Variants in DLG5 observed in about 807,000 individuals in gnomAD.
DLG5 encodes discs large MAGUK scaffold protein 5.
A neutral mutation model predicts 189.8 loss-of-function variants in DLG5; 48 were observed. The observed-to-expected ratio is 0.25, with a 90% CI of 0.20 to 0.32. The LOEUF is 0.32. DLG5 is among the 10% of genes least tolerant of loss of function. The pLI is 1.00. For missense variants in DLG5, 2,160 were observed against 2,544.7 expected (o/e 0.85, Z 3.25); for synonymous variants, 1,016 against 1,054.1 (o/e 0.96, Z 0.70).
chr10:77,828,085 T>TA (rs11437784), intron 13 of DLG5, among the ~76,000 whole-genome samples: 38,669 of 150,824 alleles, frequency 0.26, 5,406 homozygotes, highest in Admixed American at 0.39. Flanking sequence ...TACATTTAGT[T>TA]AAAAAAAAAG....
chr10:77,843,990 G>A (rs918255473), intron 5 of DLG5, among the ~76,000 whole-genome samples: 10 of 152,310 alleles, frequency 6.6e-5, no homozygotes, highest in South Asian at 6.2e-4. Context: ...AGGCCTGCTT[G>A]CAAGGTTGAC....
intron 27 of DLG5, among the ~76,000 whole-genome samples, chr10:77,797,838 GGAGT>G (rs1289662096): frequency 2.0e-5 from 3 of 152,158 alleles, no homozygotes; most frequent in Non-Finnish European, 4.4e-5. Context: ...GCAAACTCAG[GGAGT>G]AAGTAAAGTC....
chr10:77,896,588 C>T (rs1845765969), intron 1 of DLG5, among the ~76,000 whole-genome samples: 1 of 152,086 alleles, frequency 6.6e-6, no homozygotes, highest in South Asian at 2.1e-4. Flanking sequence ...CTCCTGTAAT[C>T]CCAGCACTTT....
In DLG5 at chr10:77,902,155, C is replaced by G. The variant is rs116114380; in HGVS notation, c.304+24062G>C. Among the ~76,000 whole-genome samples, 533 of 152,294 alleles carry G rather than the reference C, an allele frequency of 3.5e-3. 1 individual carries two copies. Among genetic ancestry groups the G allele is most frequent in the African/African-American group, 0.012 (495 of 41,562 alleles). ...CTTGGACACTGAGGAGATGCCGTGCCTATTTCCCAAACACCGAGTAAAAGG... is the reference window on the plus strand; with the variant it reads ...CTTGGACACTGAGGAGATGCCGTGCGTATTTCCCAAACACCGAGTAAAAGG... On this transcript the variant is annotated intron_variant, in intron 1 of 31. Transcript: ENST00000372391.
chr10:77,824,285 C>G lies in DLG5; in HGVS notation c.2382+99G>C, dbSNP rs544740368. On this transcript the variant is annotated intron_variant, in intron 14 of 31. Transcript: ENST00000372391. Reference sequence around the variant, plus strand: ...GCACTCAGTAAATGCCCACCCTGTTCTCAAGGATCCTGTGACCCCAAGGAG... The same window carrying G: ...GCACTCAGTAAATGCCCACCCTGTTGTCAAGGATCCTGTGACCCCAAGGAG... 14 of 896,184 alleles carry G rather than the reference C, an allele frequency of 1.6e-5. No individual in the cohort carries two copies. The South Asian group carries it at 2.1e-4, about 13-fold the overall frequency. 55.5% of individuals were successfully genotyped at this position (896,184 alleles called of 1,614,324 possible).
chr10:77,859,760 C>G (rs1844399340), intron 2 of DLG5, among the ~76,000 whole-genome samples: 1 of 152,236 alleles, frequency 6.6e-6, no homozygotes, highest in Non-Finnish European at 1.5e-5. Context: ...TAAAAGCCAC[C>G]AGCATCATGA....
At chr10:77,806,731 C>G in intron 26 of DLG5, 27 bp downstream of exon 26, 1 of 1,572,188 alleles carries the variant, frequency 6.4e-7, no homozygotes, top group Non-Finnish European at 8.7e-7. Flanking sequence ...CCTGCCCCAC[C>G]CCACCCCAGG....
intron 7 of DLG5, 29 bp downstream of exon 7, chr10:77,841,852 G>A: frequency 6.3e-7 from 1 of 1,591,212 alleles, no homozygotes; most frequent in Non-Finnish European, 8.6e-7. Flanking sequence ...AGGAGAGGCT[G>A]AAAGCCAGCC....
At chr10:77,888,369 G>A (rs1246196394) in intron 1 of DLG5, among the ~76,000 whole-genome samples, 1 of 152,170 alleles carries the variant, frequency 6.6e-6, no homozygotes, top group Non-Finnish European at 1.5e-5. Flanking sequence ...AGCCCAGTCT[G>A]TGTCAGCACC....
chr10:77,924,743 A>G (rs1449128887), intron 1 of DLG5, among the ~76,000 whole-genome samples: 1 of 152,188 alleles, frequency 6.6e-6, no homozygotes, highest in Admixed American at 6.5e-5. Flanking sequence ...GGGGGAAAGA[A>G]TGCAGGTTTG....
At chr10:77,896,020 C>T (rs574759313) in intron 1 of DLG5, among the ~76,000 whole-genome samples, 3 of 152,178 alleles carry the variant, frequency 2.0e-5, no homozygotes, top group East Asian at 1.9e-4. Context: ...ATTAGCCAGG[C>T]GTGGTGATGC....
chr10:77,813,226 T>C (rs1394435095), intron 20 of DLG5, among the ~76,000 whole-genome samples: 5 of 152,182 alleles, frequency 3.3e-5, no homozygotes, highest in Admixed American at 2.6e-4. Flanking sequence ...CACCTGAGAT[T>C]TTCCTCGCAG....
At chr10:77,828,783 G>T in intron 13 of DLG5, 99 bp downstream of exon 13, 1 of 1,168,246 alleles carries the variant, frequency 8.6e-7, no homozygotes, top group Non-Finnish European at 1.3e-6. Context: ...CCACAACAAG[G>T]AAAATATAAA....
chr10:77,834,043 G>C lies in DLG5; in HGVS notation c.1623-4C>G. On this transcript the variant is annotated splice_region_variant and splice_polypyrimidine_tract_variant and intron_variant, in intron 8 of 31. Transcript: ENST00000372391. ...CCTCAGGTTGTCACACAGTGTCCTGGTGGAAGGAGCAGAGGACAAGGTCAT... is the reference window on the plus strand; with the variant it reads ...CCTCAGGTTGTCACACAGTGTCCTGCTGGAAGGAGCAGAGGACAAGGTCAT... The C allele has an allele frequency of 3.1e-6, 5 of 1,608,768 alleles. No individual in the cohort carries two copies. Among genetic ancestry groups the C allele is most frequent in the Non-Finnish European group, 4.2e-6 (5 of 1,179,420 alleles).
chr10:77,903,360 A>T (rs1432459121), intron 1 of DLG5, among the ~76,000 whole-genome samples: 1 of 152,008 alleles, frequency 6.6e-6, no homozygotes, highest in Non-Finnish European at 1.5e-5. Flanking sequence ...CTCGGGAGGC[A>T]GAGGTTGCAG....
intron 30 of DLG5, 96 bp from the exon 31 acceptor site, chr10:77,794,213 G>C: frequency 9.2e-7 from 1 of 1,086,374 alleles, no homozygotes; most frequent in Admixed American, 1.8e-5. Context: ...ATCAAGGCAG[G>C]GGTAGGCTGT....
intron 1 of DLG5, among the ~76,000 whole-genome samples, chr10:77,876,392 T>G (rs531468448): frequency 5.3e-5 from 7 of 131,560 alleles, no homozygotes; most frequent in Non-Finnish European, 8.3e-5. Flanking sequence ...TTTTTTTTTT[T>G]GAAAGAGAGT....
intron 17 of DLG5, among the ~76,000 whole-genome samples, chr10:77,818,173 A>G (rs1842158105): frequency 6.6e-6 from 1 of 152,102 alleles, no homozygotes; most frequent in South Asian, 2.1e-4. Context: ...GAAGTGATAA[A>G]AAACAGAGGT....
intron 2 of DLG5, among the ~76,000 whole-genome samples, chr10:77,863,245 C>T (rs1034149617): frequency 7.2e-5 from 11 of 152,060 alleles, no homozygotes; most frequent in Admixed American, 3.9e-4. Context: ...GGGTGTGCTA[C>T]CATGCCTGGC....
Sources: gnomAD v4.1 joint callset for allele counts (sites outside exome capture counted in the v4.1 genomes callset) on GRCh38, gnomAD v4.1.1 for gene constraint, MANE v1.5 for transcripts, NCBI Gene and HGNC (gene_info 2026-07-23, HGNC 2026-07-21) for gene names.